The following SLC5A8 variants were observed in gnomAD, a reference collection of about 807,000 sequenced individuals.
SLC5A8 encodes solute carrier family 5 member 8.
SLC5A8 carries 55 observed loss-of-function variants against 71.9 expected under a neutral mutation model. That is an observed-to-expected ratio of 0.77 (90% CI 0.62 to 0.96). SLC5A8 has a LOEUF of 0.96. Among genes scored for constraint, SLC5A8 ranks in the 40% least tolerant of loss-of-function variants. The probability of loss-of-function intolerance (pLI) is 0.00; values close to 1 mark genes in which losing one functional copy is unlikely to be tolerated. For synonymous variants in SLC5A8, 307 were observed against 276.1 expected (o/e 1.11, Z -1.11); for missense variants, 701 against 745.3 (o/e 0.94, Z 0.69).
At chr12:101,182,748 G>A (rs1411931386) in intron 9 of SLC5A8, 55 bp downstream of exon 9, 2 of 1,287,212 alleles carry the variant, frequency 1.6e-6, no homozygotes, top group Admixed American at 2.3e-5. Context: ...AAATTTTTGT[G>A]TCTCAAAAAA....
Position 101,187,445 on chromosome 12 carries a change from AT to A in SLC5A8, c.903del (p.Tyr302IlefsTer49). On this transcript the variant is annotated frameshift_variant, in exon 7 of 15. Coordinates refer to ENST00000536262, the MANE Select transcript of SLC5A8 (RefSeq NM_145913.5). LOFTEE classifies it high-confidence loss of function. Reference protein sequence around the residue: ...LTCSVFCGLALYSRYHDCDPW... With the variant: ...LTCSVFCGLAXYSRYHDCDPW... ...GGATCACAGTCATGGTACCTGGAAT[AT>A]AGGGCGAGCCCACAAAACACTGAGC... The A allele has an allele frequency of 6.2e-7, 1 of 1,614,034 alleles. No individual in the cohort carries two copies. Among genetic ancestry groups the A allele is most frequent in the Non-Finnish European group, 8.5e-7 (1 of 1,179,960 alleles).
chr12:101,181,355 T>C (rs2051931276), intron 9 of SLC5A8, among the ~76,000 whole-genome samples: 1 of 152,224 alleles, frequency 6.6e-6, no homozygotes, highest in Non-Finnish European at 1.5e-5. Context: ...TTCAAAGTTA[T>C]TGGAAACACA....
intron 3 of SLC5A8, among the ~76,000 whole-genome samples, chr12:101,199,702 T>C (rs999310102): frequency 1.7e-4 from 26 of 151,970 alleles, no homozygotes; most frequent in African/African-American, 2.9e-4. Flanking sequence ...TATTGCGTAG[T>C]GGACATGGAA....
intron 2 of SLC5A8, among the ~76,000 whole-genome samples, chr12:101,203,217 T>C (rs1455591449): frequency 6.6e-6 from 1 of 152,244 alleles, no homozygotes. Flanking sequence ...AAAGGATTCC[T>C]TCCTTTTACA....
intron 9 of SLC5A8, among the ~76,000 whole-genome samples, chr12:101,181,141 A>C (rs1325828500): frequency 6.6e-6 from 1 of 152,180 alleles, no homozygotes; most frequent in Non-Finnish European, 1.5e-5. Context: ...TGTTATTTCT[A>C]TTTTATTTTA....
intron 9 of SLC5A8, among the ~76,000 whole-genome samples, chr12:101,182,309 T>C (rs1327987338): frequency 6.6e-6 from 1 of 152,206 alleles, no homozygotes; most frequent in African/African-American, 2.4e-5. Flanking sequence ...TCTAATTTAA[T>C]CTAATCCTCT....
At chr12:101,204,180 A>G (rs1869577500) in intron 2 of SLC5A8, among the ~76,000 whole-genome samples, 1 of 152,212 alleles carries the variant, frequency 6.6e-6, no homozygotes, top group Non-Finnish European at 1.5e-5. Context: ...TATCTTTGTC[A>G]TGTAGTAATG....
At chr12:101,179,220 C>T (rs768026427) in intron 10 of SLC5A8, among the ~76,000 whole-genome samples, 2 of 152,124 alleles carry the variant, frequency 1.3e-5, no homozygotes, top group Admixed American at 1.3e-4. Context: ...ATAAAAATGA[C>T]ATGCTCTGGA....
intron 10 of SLC5A8, among the ~76,000 whole-genome samples, chr12:101,177,444 T>TACACACACACACAC (rs60836789): frequency 2.1e-5 from 2 of 94,426 alleles, no homozygotes; most frequent in Admixed American, 9.9e-5. Context: ...AGGCAGTATA[T>TACACACACACACAC]ACACACACAC....
At chr12:101,161,051 G>T (rs1040218323) in intron 13 of SLC5A8, among the ~76,000 whole-genome samples, 15 of 152,130 alleles carry the variant, frequency 9.9e-5, no homozygotes, top group African/African-American at 3.6e-4. Context: ...AGTGTCAGCT[G>T]GTAGCAGAGC....
intron 1 of SLC5A8, among the ~76,000 whole-genome samples, chr12:101,208,978 C>A (rs568986837): frequency 1.3e-5 from 2 of 152,246 alleles, no homozygotes; most frequent in South Asian, 2.1e-4. Context: ...ACTGGTACAC[C>A]TTAGCCACTT....
intron 3 of SLC5A8, among the ~76,000 whole-genome samples, chr12:101,198,362 A>C (rs920827837): frequency 1.2e-4 from 18 of 151,922 alleles, no homozygotes; most frequent in Admixed American, 6.6e-4. Context: ...TGATTCTTAG[A>C]AGAGATTTAA....
chr12:101,173,492 AG>A (rs2051850820), intron 10 of SLC5A8, among the ~76,000 whole-genome samples: 1 of 152,182 alleles, frequency 6.6e-6, no homozygotes, highest in Non-Finnish European at 1.5e-5. Context: ...CACAGCTCAC[AG>A]GGCTCTGGAT....
chr12:101,158,340 A>C lies in SLC5A8; in HGVS notation c.1631-12T>G, dbSNP rs2051687176. ...CTGTTTTCTTCCTCCTGGAAAAAAA[A>C]ATGTACATGACTTACGTTGTTAAAA... On this transcript the variant is annotated splice_polypyrimidine_tract_variant and intron_variant, in intron 13 of 14. Coordinates refer to ENST00000536262, the MANE Select transcript of SLC5A8 (RefSeq NM_145913.5). 6.5e-7 allele frequency: 1 copy of C among 1,542,166 alleles called. No individual in the cohort carries two copies. The highest frequency in any genetic ancestry group is 8.9e-7 in the Non-Finnish European group (1 of 1,124,530).
chr12:101,204,379 C>T, intron 2 of SLC5A8, 121 bp downstream of exon 2: 3 of 802,516 alleles, frequency 3.7e-6, no homozygotes, highest in Admixed American at 2.9e-5. Context: ...CTTTTTTGTT[C>T]CCTCATTTTT....
intron 10 of SLC5A8, among the ~76,000 whole-genome samples, chr12:101,178,089 CA>C (rs1484870161): frequency 6.6e-6 from 1 of 152,074 alleles, no homozygotes; most frequent in Admixed American, 6.6e-5. Flanking sequence ...ATAAACACAT[CA>C]ATTTTATTTC....
rs75159722 is a variant in SLC5A8 at position 101,192,128 on chromosome 12, C to T, written c.692+1497G>A. ...TTGCTTTGGGGAAACTACCATTTCT[C>T]CATTAAATAGTCTCAATTGACGATC... On this transcript the variant is annotated intron_variant, in intron 5 of 14. Coordinates refer to ENST00000536262, the MANE Select transcript of SLC5A8 (RefSeq NM_145913.5). 9.4e-3 allele frequency among the ~76,000 whole-genome samples: 1,429 copies of T among 152,272 alleles called. 9 individuals are homozygous for T. Among genetic ancestry groups the T allele is most frequent in the Middle Eastern group, 0.041 (12 of 294 alleles).
At chr12:101,158,518 G>T (rs569961669) in intron 13 of SLC5A8, among the ~76,000 whole-genome samples, 190 bp from the exon 14 acceptor site, 1 of 132,844 alleles carries the variant, frequency 7.5e-6, no homozygotes, top group Non-Finnish European at 1.6e-5. Flanking sequence ...TTAGCCCCAG[G>T]TCTTGAAAGC....
chr12:101,203,359 T>C (rs974804989), intron 2 of SLC5A8, among the ~76,000 whole-genome samples: 2 of 152,250 alleles, frequency 1.3e-5, no homozygotes, highest in African/African-American at 4.8e-5. Context: ...TTTTCCTTTT[T>C]TTTTTTGAAA....
Sources: gnomAD v4.1 joint callset for allele counts (sites outside exome capture counted in the v4.1 genomes callset) on GRCh38, gnomAD v4.1.1 for gene constraint, MANE v1.5 for transcripts, NCBI Gene and HGNC (gene_info 2026-07-23, HGNC 2026-07-21) for gene names.